Variants in RPA1 observed in about 807,000 individuals in gnomAD.
The protein encoded by RPA1 is replication protein A1.
A neutral mutation model predicts 83.0 loss-of-function variants in RPA1; 49 were observed. That is an observed-to-expected ratio of 0.59 (90% CI 0.47 to 0.75). The LOEUF (loss-of-function observed/expected upper bound fraction) is 0.75. RPA1 is among the 30% of genes least tolerant of loss of function. The pLI is 0.00. For synonymous variants in RPA1, 279 were observed against 281.8 expected, an observed-to-expected ratio of 0.99 and a Z score of 0.10; for missense variants, 693 against 776.1, an observed-to-expected ratio of 0.89 and a Z score of 1.27.
chr17:1,877,400 T>C (rs17292084), intron 8 of RPA1, 86 bp downstream of exon 8: 4 of 1,177,906 alleles, frequency 3.4e-6, no homozygotes, highest in African/African-American at 3.2e-5. Context: ...GTGGGCTCGC[T>C]GGGAAACAGA....
intron 1 of RPA1, among the ~76,000 whole-genome samples, chr17:1,835,471 G>A (rs1389612940): frequency 6.6e-6 from 1 of 152,054 alleles, no homozygotes; most frequent in African/African-American, 2.4e-5. Context: ...CCCTTAAAAT[G>A]AGTTACATTT....
chr17:1,862,272 C>T (rs1054731738), intron 5 of RPA1, among the ~76,000 whole-genome samples: 8 of 138,736 alleles, frequency 5.8e-5, no homozygotes, highest in African/African-American at 2.2e-4. Flanking sequence ...TGGGCTCAAG[C>T]AATCCGCCCA....
At position 1,888,559 on chromosome 17, in the gene RPA1, T is replaced by C. The variant is rs555640889; in HGVS notation, c.1375-116T>C. ...TGATTCCCTGTGATCATGTGTAATC[T>C]TGAGGATGTAGAAACACTTACCACC... On this transcript the variant is annotated intron_variant, in intron 13 of 16. Coordinates refer to ENST00000254719, the MANE Select transcript of RPA1 (RefSeq NM_002945.5). The C allele has an allele frequency of 6.9e-5, 65 of 938,244 alleles. No homozygotes were observed. In the African/African-American group the frequency reaches 1.0e-3, roughly 15 times the overall value. 58.1% of individuals were successfully genotyped at this position (938,244 alleles called of 1,614,324 possible). A position where few individuals can be genotyped will look rare whatever the true frequency, so the allele number is the denominator to read the frequency against.
At chr17:1,837,942 GTTTT>G (rs1355761455) in intron 1 of RPA1, among the ~76,000 whole-genome samples, 1 of 152,020 alleles carries the variant, frequency 6.6e-6, no homozygotes, top group Non-Finnish European at 1.5e-5. Flanking sequence ...ATCAGGTTGT[GTTTT>G]TTTGTTTGTT....
chr17:1,853,888 C>T (rs887299494), intron 5 of RPA1, among the ~76,000 whole-genome samples: 3 of 152,162 alleles, frequency 2.0e-5, no homozygotes, highest in Non-Finnish European at 2.9e-5. Context: ...GCACTGGTAG[C>T]TTTTAGAATT....
At position 1,877,339 on chromosome 17, in the gene RPA1, T is replaced by C. The variant is rs923767844; in HGVS notation, c.690+25T>C. On this transcript the variant is annotated intron_variant, in intron 8 of 16. Coordinates refer to ENST00000254719, the MANE Select transcript of RPA1 (RefSeq NM_002945.5). Reference sequence around the variant, plus strand: ...TGTGAGTGTTTGTCATGCTGGGGAGTGAGGGCAGTGGGCTCGCCGGGAAAC... The same window carrying C: ...TGTGAGTGTTTGTCATGCTGGGGAGCGAGGGCAGTGGGCTCGCCGGGAAAC... 1.9e-6 allele frequency: 3 copies of C among 1,600,998 alleles called. No individual in the cohort carries two copies. The African/African-American group carries it at 4.1e-5, about 22-fold the overall frequency.
chr17:1,858,409 C>T (rs1454834421), intron 5 of RPA1: 8 of 1,577,460 alleles, frequency 5.1e-6, no homozygotes, highest in South Asian at 1.1e-5. Context: ...GGCTCGGAGG[C>T]AATGACGACC....
At chr17:1,873,669 G>A (rs922051037) in intron 6 of RPA1, among the ~76,000 whole-genome samples, 24 of 151,908 alleles carry the variant, frequency 1.6e-4, no homozygotes, top group African/African-American at 5.6e-4. Context: ...TTTTATAAGA[G>A]GATCTATTTA....
At chr17:1,864,025 C>T (rs1913085559) in intron 5 of RPA1, among the ~76,000 whole-genome samples, 1 of 152,202 alleles carries the variant, frequency 6.6e-6, no homozygotes, top group African/African-American at 2.4e-5. Context: ...CGACTTTAAG[C>T]TGGTCAGCAT....
intron 3 of RPA1, 98 bp downstream of exon 3, chr17:1,844,096 C>G: frequency 2.0e-6 from 2 of 995,130 alleles, no homozygotes; most frequent in Non-Finnish European, 1.5e-6. Context: ...TTCGTGAAGT[C>G]CGTACTTGCT....
intron 5 of RPA1, among the ~76,000 whole-genome samples, chr17:1,866,840 G>A (rs970500192): frequency 1.3e-4 from 20 of 152,100 alleles, no homozygotes; most frequent in African/African-American, 4.6e-4. Flanking sequence ...ATGGTGTTTC[G>A]GGCTTCATTT....
At chr17:1,863,920 GA>G (rs1365847747) in intron 5 of RPA1, among the ~76,000 whole-genome samples, 1 of 152,170 alleles carries the variant, frequency 6.6e-6, no homozygotes, top group Admixed American at 6.5e-5. Flanking sequence ...TTATAGAAAA[GA>G]AATGTTCAGA....
chr17:1,854,686 C>T (rs1014501776), intron 5 of RPA1, among the ~76,000 whole-genome samples: 2 of 152,164 alleles, frequency 1.3e-5, no homozygotes, highest in African/African-American at 2.4e-5. Context: ...CCTGGGAACA[C>T]AGCAAGTGTC....
intron 4 of RPA1, among the ~76,000 whole-genome samples, chr17:1,850,985 A>G (rs1185882316): frequency 6.6e-6 from 1 of 152,198 alleles, no homozygotes; most frequent in Non-Finnish European, 1.5e-5. Context: ...ATCTACAAAC[A>G]TAGACAGAAT....
chr17:1,869,028 C>T lies in RPA1; in HGVS notation c.362-3406C>T, dbSNP rs537582284. Among the ~76,000 whole-genome samples the T allele has an allele frequency of 2.6e-5, 4 of 152,236 alleles. No individual in the cohort carries two copies. In the South Asian group the frequency reaches 8.3e-4, roughly 32 times the overall value. On this transcript the variant is annotated intron_variant, in intron 5 of 16. Transcript: ENST00000254719. Reference sequence around the variant, plus strand: ...CAGCCTGATTTCATCCATTTTCTGCCAAGAGGCAATTGTAAATTATTGGAT... The same window carrying T: ...CAGCCTGATTTCATCCATTTTCTGCTAAGAGGCAATTGTAAATTATTGGAT...
chr17:1,830,373 G>T (rs951115791), intron 1 of RPA1, among the ~76,000 whole-genome samples: 1 of 152,210 alleles, frequency 6.6e-6, no homozygotes, highest in Admixed American at 6.5e-5. Context: ...ATAAACGCTT[G>T]CCTTTCTCTG....
chr17:1,888,590 G>A (rs941379024), intron 13 of RPA1, 85 bp from the exon 14 acceptor site: 16 of 1,372,686 alleles, frequency 1.2e-5, no homozygotes, highest in African/African-American at 8.7e-5. Flanking sequence ...CCACCTAAAC[G>A]TAAGGGCAGG....
At chr17:1,863,184 ATTTATTTTAT>A (rs71375562) in intron 5 of RPA1, among the ~76,000 whole-genome samples, 42 of 138,880 alleles carry the variant, frequency 3.0e-4, no homozygotes, top group East Asian at 1.1e-3. Context: ...CGCCCAACTA[ATTTATTTTAT>A]TTTATTTTAT....
chr17:1,873,599 C>T (rs1266983575), intron 6 of RPA1, among the ~76,000 whole-genome samples: 1 of 152,064 alleles, frequency 6.6e-6, no homozygotes, highest in Non-Finnish European at 1.5e-5. Context: ...TTTAATCTAC[C>T]TTGCACGATC....
Sources: allele counts gnomAD v4.1 joint callset (sites outside exome capture counted in the v4.1 genomes callset), GRCh38; gene constraint gnomAD v4.1.1; transcripts MANE v1.5; gene names NCBI Gene and HGNC (gene_info 2026-07-23, HGNC 2026-07-21).